The following SELENOV variants were observed in gnomAD, a reference collection of about 807,000 sequenced individuals.
SELENOV encodes selenoprotein V.
In SELENOV, 25 loss-of-function variants were observed where a neutral mutation model predicts 21.6. That is an observed-to-expected ratio of 1.16 (90% confidence interval 0.84 to 1.62). The LOEUF is 1.62. Ranked by LOEUF, SELENOV falls within the 40% of genes most tolerant of loss-of-function variation. SELENOV has a pLI of 0.00. For missense variants in SELENOV, 472 were observed against 459.0 expected, an observed-to-expected ratio of 1.03 and a Z score of -0.26; for synonymous variants, 227 against 216.9, an observed-to-expected ratio of 1.05 and a Z score of -0.41.
At chr19:39,519,276 G>A in intron 5 of SELENOV, 106 bp downstream of exon 5, 1 of 785,152 alleles carries the variant, frequency 1.3e-6, no homozygotes, top group Non-Finnish European at 2.2e-6. Flanking sequence ...GGTTCTCACT[G>A]TTAGAATCAT....
intron 1 of SELENOV, among the ~76,000 whole-genome samples, chr19:39,517,433 T>C (rs143732843): frequency 1.0e-3 from 157 of 151,950 alleles, no homozygotes; most frequent in African/African-American, 3.6e-3. Flanking sequence ...AAAAAAACAA[T>C]AATATGACCT....
chr19:39,518,879 C>A (rs1364221493), intron 3 of SELENOV, 24 bp from the exon 4 acceptor site: 9 of 1,613,132 alleles, frequency 5.6e-6, no homozygotes, highest in Non-Finnish European at 7.6e-6. Context: ...CTTAGCCTCC[C>A]CTACGCTCAC....
chr19:39,519,255 C>T (rs1372786534), intron 5 of SELENOV, 85 bp downstream of exon 5: 2 of 902,400 alleles, frequency 2.2e-6, no homozygotes, highest in Non-Finnish European at 3.6e-6. Context: ...AGTCCTGATC[C>T]TAGCTCAGCC....
At position 39,520,139 on chromosome 19, in the gene SELENOV, A is replaced by G. The variant is rs1174061608; in HGVS notation, c.*23-7A>G. On this transcript the variant is annotated splice_region_variant and splice_polypyrimidine_tract_variant and intron_variant, in intron 5 of 5. Coordinates refer to ENST00000335426, the Ensembl canonical transcript of SELENOV. ...TTTAAAATTCTTTTCTTTCTCTCCC[A>G]TCTTAGGAGTCTCAGCTGGATGATG... 1 of 152,526 alleles carries G rather than the reference A, an allele frequency of 6.6e-6. No homozygotes were observed. The highest frequency in any genetic ancestry group is 1.9e-4 in the East Asian group (1 of 5,202). The allele number at this position is 152,526 out of a possible 1,614,324, so 9.4% of individuals were successfully genotyped here.
Position 39,515,166 on chromosome 19 carries a change from G to A in SELENOV, c.-47G>A. 1 of 1,179,052 alleles carries A rather than the reference G, an allele frequency of 8.5e-7. No homozygotes were observed. Among genetic ancestry groups the A allele is most frequent in the Non-Finnish European group, 1.2e-6 (1 of 825,018 alleles). The allele number at this position is 1,179,052 out of a possible 1,614,324, so 73.0% of individuals were successfully genotyped here. A position where few individuals can be genotyped will look rare whatever the true frequency, so the allele number is the denominator to read the frequency against. ...ACGCTCTCCCCGCCCAAAGAGGGAA[G>A]GCGGGCGGGACTCCCCAACCGGCTT... On this transcript the variant is annotated 5_prime_UTR_variant, in exon 1 of 6. Coordinates refer to ENST00000335426, the Ensembl canonical transcript of SELENOV. The surrounding 1 kb of genome is among the most constrained non-coding windows in gnomAD (Gnocchi z 5.1).
chr19:39,516,135 G>A (rs2079696164), intron 1 of SELENOV, 114 bp downstream of exon 1: 5 of 906,206 alleles, frequency 5.5e-6, no homozygotes, highest in Non-Finnish European at 8.8e-6. Flanking sequence ...AGGGATTCAG[G>A]AAGAGCCCCA....
intron 5 of SELENOV, among the ~76,000 whole-genome samples, chr19:39,519,490 T>TAATA (rs60167035): frequency 0.038 from 5,738 of 150,944 alleles, 227 homozygotes; most frequent in East Asian, 0.19. Flanking sequence ...CTACAAAAAA[T>TAATA]AATAAATAAA....
chr19:39,516,853 G>A (rs1226157402), intron 1 of SELENOV, among the ~76,000 whole-genome samples: 1 of 149,364 alleles, frequency 6.7e-6, no homozygotes, highest in Non-Finnish European at 1.5e-5. Context: ...GTGCCACCAC[G>A]CCCGGCTAAT....
intron 5 of SELENOV, among the ~76,000 whole-genome samples, chr19:39,519,462 CATA>C (rs1335042490): frequency 7.9e-5 from 12 of 151,668 alleles, no homozygotes; most frequent in Non-Finnish European, 1.6e-4. Flanking sequence ...GCCAGAGCAA[CATA>C]ATGAGACTCT....
Position 39,515,513 on chromosome 19 carries a change from G to A in SELENOV, c.301G>A (p.Val101Ile). 4 of 1,550,588 alleles carry A rather than the reference G, an allele frequency of 2.6e-6. No homozygotes were observed. The highest frequency in any genetic ancestry group is 3.5e-6 in the Non-Finnish European group (4 of 1,146,832). Residue 101 changes from valine to isoleucine, a missense_variant, in exon 1 of 6, where the codon GTT (valine) becomes ATT (isoleucine). Physicochemically the swap from Val to Ile is conservative, Grantham distance 29 (BLOSUM62 3). Transcript: ENST00000335426. The surrounding 1 kb of genome is among the most constrained non-coding windows in gnomAD (Gnocchi z 5.1). ...GATCCCTACTCCGGTGCCGACTCCC[G>A]TTCCCGTCCGGAACCCAACTCCGGT...
chr19:39,518,971 C>G (rs771565053), exon 4 of SELENOV: 1 of 1,613,612 alleles, frequency 6.2e-7, no homozygotes, highest in Non-Finnish European at 8.5e-7. Context: ...TGGTCCATTC[C>G]AAGAAGGTGA....
At chr19:39,518,245 TG>T (rs1470738872) in intron 1 of SELENOV, among the ~76,000 whole-genome samples, 1 of 145,610 alleles carries the variant, frequency 6.9e-6, no homozygotes, top group Non-Finnish European at 1.5e-5. Context: ...CACTCCAGCC[TG>T]GGCAACAGAG....
Position 39,515,255 on chromosome 19 carries a change from A to G in SELENOV, c.43A>G (p.Thr15Ala). Residue 15 changes from threonine (T) to alanine (A), a missense_variant, in exon 1 of 6, where the codon ACT (threonine) becomes GCT (alanine). Transcript: ENST00000335426. This position sits in a 1 kb window ranked among gnomAD's most constrained non-coding sequence, Gnocchi z 5.1. ...GACCCCAGCCCCCTCCTCGGCGCGG[A>G]CTTCAACCTCAGTCCGGGCTTCTAC... 1 of 1,549,980 alleles carries G rather than the reference A, an allele frequency of 6.5e-7. No individual in the cohort carries two copies. The highest frequency in any genetic ancestry group is 8.7e-7 in the Non-Finnish European group (1 of 1,146,678).
At position 39,515,477 on chromosome 19, in the gene SELENOV, G is replaced by GCTCCGGCCTGGATCCCTA; in HGVS notation, c.272_289dup (p.Ala91_Pro96dup). The GCTCCGGCCTGGATCCCTA allele has an allele frequency of 6.4e-7, 1 of 1,551,202 alleles. No individual in the cohort carries two copies. ...GATCCCCCGTCTGGTTCCGCCTCCT[G>GCTCCGGCCTGGATCCCTA]CTCCGGCCTGGATCCCTACTCCGGT... On this transcript the variant is annotated inframe_insertion, in exon 1 of 6. Coordinates refer to ENST00000335426, the Ensembl canonical transcript of SELENOV. This position sits in a 1 kb window ranked among gnomAD's most constrained non-coding sequence, Gnocchi z 5.1.
At position 39,515,460 on chromosome 19, in the gene SELENOV, G is replaced by A; in HGVS notation, c.248G>A (p.Arg83His). ...ACTCCCGCTCTGGCCCGGATCCCCC[G>A]TCTGGTTCCGCCTCCTGCTCCGGCC... Residue 83 changes from arginine (R) to histidine (H), a missense_variant, in exon 1 of 6, where the codon CGT (arginine) becomes CAT (histidine). Arg to His is a conservative substitution (Grantham distance 29). Coordinates refer to ENST00000335426, the Ensembl canonical transcript of SELENOV. This position sits in a 1 kb window ranked among gnomAD's most constrained non-coding sequence, Gnocchi z 5.1. 1 of 1,550,900 alleles carries A rather than the reference G, an allele frequency of 6.4e-7. No homozygotes were observed. The highest frequency in any genetic ancestry group is 8.7e-7 in the Non-Finnish European group (1 of 1,146,800).
chr19:39,515,120 T>C lies in SELENOV; in HGVS notation c.-93T>C. The C allele has an allele frequency of 1.2e-6, 1 of 801,830 alleles. No individual in the cohort carries two copies. Among genetic ancestry groups the C allele is most frequent in the Admixed American group, 2.8e-5 (1 of 36,290 alleles). 49.7% of individuals were successfully genotyped at this position (801,830 alleles called of 1,614,324 possible). ...CAGAGCCCCCAGTGGTCGCGCCGCG[T>C]CTCAGAACCCGGTGCGGGAGACGCT... On this transcript the variant is annotated 5_prime_UTR_variant, in exon 1 of 6. Coordinates refer to ENST00000335426, the Ensembl canonical transcript of SELENOV. The surrounding 1 kb of genome is among the most constrained non-coding windows in gnomAD (Gnocchi z 5.1).
chr19:39,516,140 G>T lies in SELENOV; in HGVS notation c.809+119G>T. Reference sequence around the variant, plus strand: ...GGGCGAGGGGAGGGATTCAGGAAGAGCCCCAGAGTTCCAGTTCCCAGATTG... The same window carrying T: ...GGGCGAGGGGAGGGATTCAGGAAGATCCCCAGAGTTCCAGTTCCCAGATTG... On this transcript the variant is annotated intron_variant, in intron 1 of 5. Transcript: ENST00000335426. 6 of 871,282 alleles carry T rather than the reference G, an allele frequency of 6.9e-6. No individual in the cohort carries two copies. In the East Asian group the frequency reaches 1.6e-4, roughly 23 times the overall value. The allele number at this position is 871,282 out of a possible 1,614,324, so 54.0% of individuals were successfully genotyped here.
At chr19:39,516,054 CG>C (rs2079695621) in intron 1 of SELENOV, 33 bp downstream of exon 1, 2 of 1,543,128 alleles carry the variant, frequency 1.3e-6, no homozygotes, top group Non-Finnish European at 1.8e-6. Flanking sequence ...TCCCAACCCC[CG>C]GGGACAGGGC....
intron 1 of SELENOV, 148 bp downstream of exon 1, chr19:39,516,169 A>G: frequency 1.4e-6 from 1 of 737,818 alleles, no homozygotes; most frequent in Non-Finnish European, 2.4e-6. Flanking sequence ...CAGATTGGAA[A>G]CCCGCTCTTG....
Sources: gnomAD v4.1 joint callset for allele counts (sites outside exome capture counted in the v4.1 genomes callset) on GRCh38, gnomAD v4.1.1 for gene constraint, Gnocchi (gnomAD v3.1) non-coding constraint, MANE v1.5 for transcripts, NCBI Gene and HGNC (gene_info 2026-07-23, HGNC 2026-07-21) for gene names.